The following GRHL2 variants were observed in gnomAD, a reference collection of about 807,000 sequenced individuals.
The protein encoded by GRHL2 is grainyhead-like protein 2 homolog.
A neutral mutation model predicts 83.8 loss-of-function variants in GRHL2; 21 were observed. That is an observed-to-expected ratio of 0.25 (90% confidence interval 0.18 to 0.36). The LOEUF is 0.36. GRHL2 is among the 10% of genes least tolerant of loss of function. The pLI, the probability that GRHL2 is intolerant of heterozygous loss-of-function variation, is 1.00. For missense variants in GRHL2, 623 were observed against 781.8 expected (o/e 0.80, Z 2.42); for synonymous variants, 280 against 278.9 (o/e 1.00, Z -0.04).
chr8:101,566,577 TAA>T (rs1811721829), intron 4 of GRHL2, among the ~76,000 whole-genome samples: 2 of 133,146 alleles, frequency 1.5e-5, no homozygotes, highest in Admixed American at 1.5e-4. Context: ...TATAATAATA[TAA>T]ATATAATAAT....
At chr8:101,525,995 A>G (rs898176617) in intron 1 of GRHL2, among the ~76,000 whole-genome samples, 1 of 152,200 alleles carries the variant, frequency 6.6e-6, no homozygotes, top group Non-Finnish European at 1.5e-5. Context: ...TAAAATTTTC[A>G]AAACATACGA....
rs556569436 is a variant in GRHL2, at chr8:101,553,951, C to T, written c.284+1169C>T. ...CAAACTCACCCACTTCTTTCAAACTCACCCATCAATAAATCTCTTCCCCTG... is the reference window on the plus strand; with the variant it reads ...CAAACTCACCCACTTCTTTCAAACTTACCCATCAATAAATCTCTTCCCCTG... On this transcript the variant is annotated intron_variant, in intron 3 of 15. Transcript: ENST00000646743. 5.9e-5 allele frequency among the ~76,000 whole-genome samples: 9 copies of T among 152,256 alleles called. No individual in the cohort carries two copies. The South Asian group carries it at 1.9e-3, about 32-fold the overall frequency.
chr8:101,657,981 C>A (rs1319785100), intron 14 of GRHL2, among the ~76,000 whole-genome samples: 2 of 152,210 alleles, frequency 1.3e-5, no homozygotes, highest in Non-Finnish European at 2.9e-5. Flanking sequence ...TCTCATCCAG[C>A]CCCTGGGCAG....
Position 101,492,805 on chromosome 8 carries a change from G to C in GRHL2, c.20+16G>C. 6.2e-7 allele frequency: 1 copy of C among 1,613,426 alleles called. No individual in the cohort carries two copies. Among genetic ancestry groups the C allele is most frequent in the Admixed American group, 1.7e-5 (1 of 60,032 alleles). ...AGTCGGACAAGTAAGTGGATCACAC[G>C]CGCCGGCTGCTGCTACTACTACCAC... On this transcript the variant is annotated intron_variant, in intron 1 of 15. Transcript: ENST00000646743.
intron 1 of GRHL2, among the ~76,000 whole-genome samples, chr8:101,538,289 A>G (rs932909920): frequency 6.6e-6 from 1 of 152,188 alleles, no homozygotes; most frequent in Admixed American, 6.5e-5. Flanking sequence ...CTGTCCAGGC[A>G]GAATGATCTG....
intron 13 of GRHL2, among the ~76,000 whole-genome samples, chr8:101,647,386 G>T (rs1221586544): frequency 6.8e-6 from 1 of 147,556 alleles, no homozygotes; most frequent in Non-Finnish European, 1.5e-5. Flanking sequence ...ATAGTTTGGG[G>T]GTCAGCCTGC....
At chr8:101,621,159 C>T (rs1190411663) in intron 9 of GRHL2, among the ~76,000 whole-genome samples, 1 of 151,928 alleles carries the variant, frequency 6.6e-6, no homozygotes, top group Non-Finnish European at 1.5e-5. Context: ...AAATGACCAA[C>T]AGAAAAGAAA....
chr8:101,634,245 T>G (rs1024267556), intron 11 of GRHL2, among the ~76,000 whole-genome samples: 3 of 152,186 alleles, frequency 2.0e-5, no homozygotes, highest in Non-Finnish European at 4.4e-5. Context: ...TGAAGAAGCC[T>G]GCCCTGAGCT....
chr8:101,631,904 C>T (rs1467755686), intron 10 of GRHL2, among the ~76,000 whole-genome samples, 180 bp downstream of exon 10: 1 of 152,216 alleles, frequency 6.6e-6, no homozygotes, highest in Non-Finnish European at 1.5e-5. Flanking sequence ...AATAGAATCA[C>T]ATGAGCACAG....
intron 1 of GRHL2, among the ~76,000 whole-genome samples, chr8:101,519,558 CTTTTTTT>C (rs1156774756): frequency 8.4e-5 from 11 of 130,312 alleles, no homozygotes; most frequent in Admixed American, 2.4e-4. Context: ...CCATGACCAG[CTTTTTTT>C]TTTTTTTTTT....
At chr8:101,624,533 CAGAGTACACAGTAGG>C (rs199955169) in intron 9 of GRHL2, among the ~76,000 whole-genome samples, 2 of 41,614 alleles carry the variant, frequency 4.8e-5, no homozygotes. Flanking sequence ...TAAGACAGTT[CAGAGTACACAGTAGG>C]ACAGTACACA....
chr8:101,619,507 A>T, intron 8 of GRHL2, 32 bp from the exon 9 acceptor site: 1 of 1,608,126 alleles, frequency 6.2e-7, no homozygotes, highest in Non-Finnish European at 8.5e-7. Context: ...TTTTATGTTG[A>T]CTTGTGAACT....
At chr8:101,629,458 G>T (rs1436071049) in intron 9 of GRHL2, among the ~76,000 whole-genome samples, 1 of 151,868 alleles carries the variant, frequency 6.6e-6, no homozygotes, top group Non-Finnish European at 1.5e-5. Flanking sequence ...TTCAATATTT[G>T]TTTTTTTATG....
chr8:101,558,023 C>G (rs1282815519), intron 3 of GRHL2, among the ~76,000 whole-genome samples: 3 of 152,154 alleles, frequency 2.0e-5, no homozygotes, highest in Non-Finnish European at 2.9e-5. Flanking sequence ...CGCCACCACT[C>G]CTGGCTAATT....
chr8:101,608,760 CACACACACACACACACACCT>C (rs1812685735), intron 8 of GRHL2, among the ~76,000 whole-genome samples: 1 of 142,654 alleles, frequency 7.0e-6, no homozygotes, highest in African/African-American at 3.0e-5. Flanking sequence ...CACACACACA[CACACACACACACACACACCT>C]ACACCTCATT....
intron 13 of GRHL2, among the ~76,000 whole-genome samples, chr8:101,645,116 A>ATTTTTTTT (rs553249046): frequency 1.2e-4 from 14 of 117,356 alleles, no homozygotes; most frequent in African/African-American, 3.0e-4. Context: ...GCAGTACAGA[A>ATTTTTTTT]TTTTTTTTTT....
At chr8:101,629,028 A>G (rs2130391725) in intron 9 of GRHL2, among the ~76,000 whole-genome samples, 1 of 152,358 alleles carries the variant, frequency 6.6e-6, no homozygotes, top group African/African-American at 2.4e-5. Flanking sequence ...CTTAGTTGAT[A>G]AAACAGCAGC....
At chr8:101,504,307 G>A (rs1329158524) in intron 1 of GRHL2, among the ~76,000 whole-genome samples, 1 of 152,230 alleles carries the variant, frequency 6.6e-6, no homozygotes, top group Non-Finnish European at 1.5e-5. Flanking sequence ...ATTTGCATAT[G>A]TGTTAAGTCC....
intron 7 of GRHL2, among the ~76,000 whole-genome samples, chr8:101,584,038 C>T (rs1344481438): frequency 6.6e-6 from 1 of 152,190 alleles, no homozygotes; most frequent in Non-Finnish European, 1.5e-5. Context: ...TCCAAATAAA[C>T]ATCATTATAG....
Sources: allele counts gnomAD v4.1 joint callset (sites outside exome capture counted in the v4.1 genomes callset), GRCh38; gene constraint gnomAD v4.1.1; transcripts MANE v1.5; gene names NCBI Gene and HGNC (gene_info 2026-07-23, HGNC 2026-07-21).